The following MRPS17 variants were observed in gnomAD, a reference collection of about 807,000 sequenced individuals.
MRPS17 encodes the protein mitochondrial ribosomal protein S17.
In MRPS17, 6 loss-of-function variants were observed where a neutral mutation model predicts 11.3. That is an observed-to-expected ratio of 0.53 (90% confidence interval 0.29 to 1.05). MRPS17 has a LOEUF of 1.05. MRPS17 is among the 50% of genes least tolerant of loss of function. The pLI, the probability that MRPS17 is intolerant of heterozygous loss-of-function variation, is 0.08. For missense variants in MRPS17, 139 were observed against 153.6 expected, an observed-to-expected ratio of 0.90 and a Z score of 0.50; for synonymous variants, 56 against 60.4, an observed-to-expected ratio of 0.93 and a Z score of 0.34.
rs77432626 is a variant in MRPS17 at position 55,956,128 on chromosome 7, T to G, written c.*950T>G. 2 of 127,472 alleles carry G rather than the reference T, an allele frequency of 1.6e-5. No homozygotes were observed. The highest frequency in any genetic ancestry group is 3.7e-5 in the Non-Finnish European group (2 of 54,660). 7.9% of individuals were successfully genotyped at this position (127,472 alleles called of 1,614,324 possible). On this transcript the variant is annotated 3_prime_UTR_variant, in exon 3 of 3. Transcript: ENST00000285298. Reference sequence around the variant, plus strand: ...ACCTTTATTTTGAAGGAAGAAAGTCTTTTTTTTTTTTGAGCTGGAGTTTCA... The same window carrying G: ...ACCTTTATTTTGAAGGAAGAAAGTCGTTTTTTTTTTTGAGCTGGAGTTTCA...
chr7:55,953,328 A>G lies in MRPS17; in HGVS notation c.123+10A>G, dbSNP rs377454702. ...TCCCTATTTATTAAAGGTGAGAAAC[A>G]TTCTTGTTTCCGGGTGGCTTTGGTA... On this transcript the variant is annotated intron_variant, in intron 2 of 2. Transcript: ENST00000285298. 1.2e-5 allele frequency: 19 copies of G among 1,612,578 alleles called. No homozygotes were observed. The highest frequency in any genetic ancestry group is 1.7e-4 in the Middle Eastern group (1 of 5,726).
chr7:55,953,097 G>C, intron 1 of MRPS17, 82 bp from the exon 2 acceptor site: 1 of 1,467,976 alleles, frequency 6.8e-7, no homozygotes, highest in Non-Finnish European at 9.3e-7. Flanking sequence ...ACTGTTTCTG[G>C]ACTAACCTGG....
At chr7:55,953,076 A>G (rs1170265159) in intron 1 of MRPS17, 103 bp from the exon 2 acceptor site, 32 of 1,358,108 alleles carry the variant, frequency 2.4e-5, no homozygotes, top group Non-Finnish European at 3.1e-5. Context: ...GGGGGAACGA[A>G]AAAGAAAAAA....
Position 55,954,903 on chromosome 7 carries a change from C to T in MRPS17, c.124-6C>T, listed in dbSNP as rs200725553. The T allele has an allele frequency of 1.2e-6, 2 of 1,611,772 alleles. No homozygotes were observed. Among genetic ancestry groups the T allele is most frequent in the South Asian group, 1.1e-5 (1 of 90,870 alleles). On this transcript the variant is annotated splice_region_variant and splice_polypyrimidine_tract_variant and intron_variant, in intron 2 of 2. Transcript: ENST00000285298. ...TACTGATTTGCTTCTCTCCCTCTCT[C>T]AACAGTATTTTAATAAGCGGAAAAC...
chr7:55,953,247 A>G lies in MRPS17; in HGVS notation c.52A>G (p.Ile18Val). 6.2e-7 allele frequency: 1 copy of G among 1,614,146 alleles called. No individual in the cohort carries two copies. The change falls in exon 2 of 3, where the codon ATT becomes GTT. Residue 18 changes from isoleucine to valine, a missense_variant. Coordinates refer to ENST00000285298, the MANE Select transcript of MRPS17 (RefSeq NM_015969.3). ...TGCCAGATGGATTGTGGGGAAGGTGATTGGGACAAAAATGCAAAAGACTGC... is the reference window on the plus strand; with the variant it reads ...TGCCAGATGGATTGTGGGGAAGGTGGTTGGGACAAAAATGCAAAAGACTGC... The part of the protein sequence containing the change: ...VHARWIVGKV[I>V]GTKMQKTAKV...
chr7:55,953,808 A>ACCT (rs1205994215), intron 2 of MRPS17, among the ~76,000 whole-genome samples: 3 of 137,268 alleles, frequency 2.2e-5, no homozygotes, highest in Non-Finnish European at 3.1e-5. Flanking sequence ...GACAAGAGCA[A>ACCT]AACTCTGCCT....
Position 55,954,775 on chromosome 7 carries a change from C to T in MRPS17, c.124-134C>T, listed in dbSNP as rs1205604397. Reference sequence around the variant, plus strand: ...TATCACTCAGGCTCTAATTTTTGTACTAGAAGCCTCCTTAGTATCTTATCT... The same window carrying T: ...TATCACTCAGGCTCTAATTTTTGTATTAGAAGCCTCCTTAGTATCTTATCT... On this transcript the variant is annotated intron_variant, in intron 2 of 2. Coordinates refer to ENST00000285298, the MANE Select transcript of MRPS17 (RefSeq NM_015969.3). 19 of 1,089,104 alleles carry T rather than the reference C, an allele frequency of 1.7e-5. No individual in the cohort carries two copies. In the East Asian group the frequency reaches 4.3e-4, roughly 25 times the overall value. 67.5% of individuals were successfully genotyped at this position (1,089,104 alleles called of 1,614,324 possible).
chr7:55,953,299 T>G lies in MRPS17; in HGVS notation c.104T>G (p.Leu35Arg), dbSNP rs144294259. The change falls in exon 2 of 3, where the codon CTG (leucine) becomes CGG (arginine). Residue 35 changes from leucine to arginine, a missense_variant. Physicochemically the swap from Leu to Arg is moderately radical, Grantham distance 102. Transcript: ENST00000285298. ...AAAGTGAGAGTGACCAGGCTTGTTC[T>G]GGATCCCTATTTATTAAAGGTGAGA... ...TAKVRVTRLV[L>R]DPYLLKYFNK... 9.9e-5 allele frequency: 159 copies of G among 1,613,846 alleles called. 1 individual carries two copies. The highest frequency in any genetic ancestry group is 3.1e-5 in the Non-Finnish European group (37 of 1,180,000).
At chr7:55,952,753 C>G (rs1786660210) in intron 1 of MRPS17, among the ~76,000 whole-genome samples, 1 of 150,520 alleles carries the variant, frequency 6.6e-6, no homozygotes, top group Non-Finnish European at 1.5e-5. Context: ...TACATATGGC[C>G]GGGCGCGGTG....
chr7:55,952,821 G>A (rs1359926218), intron 1 of MRPS17, among the ~76,000 whole-genome samples: 1 of 151,962 alleles, frequency 6.6e-6, no homozygotes, highest in African/African-American at 2.4e-5. Flanking sequence ...CACGAGGTCA[G>A]GAGATCAAGA....
chr7:55,952,514 C>G (rs972501628), intron 1 of MRPS17, among the ~76,000 whole-genome samples: 13 of 151,784 alleles, frequency 8.6e-5, no homozygotes, highest in African/African-American at 3.1e-4. Flanking sequence ...GCGGGCGGAT[C>G]ACCTGAGGTC....
chr7:55,955,041 T>C lies in MRPS17; in HGVS notation c.256T>C (p.Phe86Leu), dbSNP rs758244863. The change falls in exon 3 of 3, where the codon TTC becomes CTC. Residue 86 changes from phenylalanine to leucine, a missense_variant. Phe to Leu is a conservative substitution (Grantham distance 22). Coordinates refer to ENST00000285298, the MANE Select transcript of MRPS17 (RefSeq NM_015969.3). The stretch of plus-strand genomic sequence containing the variant: ...GAAACATGAACTGGCTGAGATCGTT[T>C]TCAAAGTTGGAAAAGTCATAGATCC... ...HVKHELAEIVFKVGKVIDPVT... is the reference protein window; with the variant it reads ...HVKHELAEIVLKVGKVIDPVT... 23 of 1,614,020 alleles carry C rather than the reference T, an allele frequency of 1.4e-5. No homozygotes were observed. In the East Asian group the frequency reaches 4.9e-4, roughly 34 times the overall value.
rs201717619 is a variant in MRPS17 at position 55,954,949 on chromosome 7, T to C, written c.164T>C (p.Leu55Pro). ...KRKTYFAHDALQQCTVGDIVL... is the reference protein window; with the variant it reads ...KRKTYFAHDAPQQCTVGDIVL... Reference sequence around the variant, plus strand: ...AAAACCTACTTTGCTCACGATGCCCTTCAGCAGTGCACAGTTGGGGATATT... The same window carrying C: ...AAAACCTACTTTGCTCACGATGCCCCTCAGCAGTGCACAGTTGGGGATATT... Residue 55 changes from leucine (L) to proline (P), a missense_variant, in exon 3 of 3, where the codon CTT becomes CCT. Leu to Pro is a moderately conservative substitution (Grantham distance 98). Transcript: ENST00000285298. 28 of 1,614,102 alleles carry C rather than the reference T, an allele frequency of 1.7e-5. No individual in the cohort carries two copies. Among genetic ancestry groups the C allele is most frequent in the Non-Finnish European group, 2.4e-5 (28 of 1,180,046 alleles).
intron 1 of MRPS17, 184 bp downstream of exon 1, chr7:55,952,114 T>G (rs1786644504): frequency 6.6e-6 from 1 of 151,492 alleles, no homozygotes; most frequent in South Asian, 2.1e-4. Context: ...GAATGGCTTG[T>G]GAACTGATCT....
At position 55,953,226 on chromosome 7, in the gene MRPS17, A is replaced by G. The variant is rs1786674284; in HGVS notation, c.31A>G (p.Arg11Gly). Reference protein sequence around the residue: MSVVRSSVHARWIVGKVIGTK... With the variant: MSVVRSSVHAGWIVGKVIGTK... ...CGTAGTTCGCTCATCCGTCCATGCC[A>G]GATGGATTGTGGGGAAGGTGATTGG... Residue 11 changes from arginine (R) to glycine (G), a missense_variant, in exon 2 of 3, where the codon AGA becomes GGA. By Grantham distance (125) the Arg-to-Gly change is moderately radical. Coordinates refer to ENST00000285298, the MANE Select transcript of MRPS17 (RefSeq NM_015969.3). 1 of 1,614,088 alleles carries G rather than the reference A, an allele frequency of 6.2e-7. No individual in the cohort carries two copies. Among genetic ancestry groups the G allele is most frequent in the African/African-American group, 1.3e-5 (1 of 74,940 alleles).
intron 1 of MRPS17, among the ~76,000 whole-genome samples, chr7:55,952,672 TTGCAGTGAGCCGAGATCGC>T (rs912438412): frequency 2.5e-4 from 38 of 150,256 alleles, no homozygotes; most frequent in Non-Finnish European, 3.8e-4. Flanking sequence ...GAGGCGGAGG[TTGCAGTGAGCCGAGATCGC>T]GCCACTTCAC....
At position 55,955,159 on chromosome 7, in the gene MRPS17, A is replaced by C; in HGVS notation, c.374A>C (p.Asn125Thr). 1 of 1,614,238 alleles carries C rather than the reference A, an allele frequency of 6.2e-7. No homozygotes were observed. Among genetic ancestry groups the C allele is most frequent in the Non-Finnish European group, 8.5e-7 (1 of 1,180,038 alleles). ...CTAAGCAAAAATCTGGAAGAACTCAATATCTCTTCAGCACAGTGAAGCGGG... is the reference window on the plus strand; with the variant it reads ...CTAAGCAAAAATCTGGAAGAACTCACTATCTCTTCAGCACAGTGAAGCGGG... ...TQLSKNLEELNISSAQ is the reference protein window; with the variant it reads ...TQLSKNLEELTISSAQ The change falls in exon 3 of 3, where the codon AAT becomes ACT. Residue 125 changes from asparagine to threonine, a missense_variant. Transcript: ENST00000285298.
chr7:55,954,980 T>C lies in MRPS17; in HGVS notation c.195T>C (p.Leu65=), dbSNP rs765603096. 1 of 1,614,204 alleles carries C rather than the reference T, an allele frequency of 6.2e-7. No individual in the cohort carries two copies. Among genetic ancestry groups the C allele is most frequent in the Non-Finnish European group, 8.5e-7 (1 of 1,180,042 alleles). Residue 65 remains leucine, a synonymous_variant, in exon 3 of 3, where the codon CTT becomes CTC. Transcript: ENST00000285298. ...AGTGCACAGTTGGGGATATTGTGCT[T>C]CTCAGAGCTTTACCTGTTCCACGAG... is the stretch of plus-strand genomic sequence containing the variant. ...LQQCTVGDIV[L]LRALPVPRAK... is the part of the protein sequence containing the mutation.
intron 1 of MRPS17, 118 bp from the exon 2 acceptor site, chr7:55,953,061 T>G: frequency 2.8e-6 from 3 of 1,086,878 alleles, no homozygotes; most frequent in Non-Finnish European, 2.7e-6. Context: ...TGTTTCTGGG[T>G]GGAGGGGGGA....
Sources: allele counts gnomAD v4.1 joint callset (sites outside exome capture counted in the v4.1 genomes callset), GRCh38; gene constraint gnomAD v4.1.1; transcripts MANE v1.5; gene names NCBI Gene and HGNC (gene_info 2026-07-23, HGNC 2026-07-21).